Variants in VPS13C observed in about 807,000 individuals in gnomAD.
VPS13C encodes the protein intermembrane lipid transfer protein VPS13C.
In VPS13C, 358 loss-of-function variants were observed where a neutral mutation model predicts 456.8. That is an observed-to-expected ratio of 0.78 (90% CI 0.72 to 0.86). The LOEUF (loss-of-function observed/expected upper bound fraction) is 0.86. VPS13C is among the 40% of genes least tolerant of loss of function. The pLI, the probability that VPS13C is intolerant of heterozygous loss-of-function variation, is 0.00. For synonymous variants in VPS13C, 1,578 were observed against 1,486.7 expected (o/e 1.06, Z -1.41); for missense variants, 4,818 against 4,385.4 (o/e 1.10, Z -2.79).
intron 59 of VPS13C, 126 bp downstream of exon 59, chr15:61,918,010 A>T (rs1421736480): frequency 3.2e-6 from 3 of 926,802 alleles, no homozygotes; most frequent in South Asian, 2.2e-5. Flanking sequence ...TCTCAATGGA[A>T]GACTAAATTA....
chr15:61,929,709 A>T lies in VPS13C; in HGVS notation c.6078T>A (p.Ser2026=). The T allele has an allele frequency of 6.2e-7, 1 of 1,613,648 alleles. No individual in the cohort carries two copies. Among genetic ancestry groups the T allele is most frequent in the Non-Finnish European group, 8.5e-7 (1 of 1,179,674 alleles). Residue 2026 remains serine (S), a synonymous_variant, in exon 51 of 85, where the codon TCT becomes TCA. Transcript: ENST00000644861. ...CTTGTTTGTAACTTATATCAATCATAGAACTGTTGTTATCTTGGTCATTCT... is the reference window on the plus strand; with the variant it reads ...CTTGTTTGTAACTTATATCAATCATTGAACTGTTGTTATCTTGGTCATTCT... The part of the protein sequence containing the change: ...DRKNDQDNNS[S]MIDISYKQDK...
intron 66 of VPS13C, among the ~76,000 whole-genome samples, chr15:61,897,934 TG>T (rs917460729): frequency 2.7e-5 from 4 of 150,724 alleles, no homozygotes; most frequent in African/African-American, 4.9e-5. Flanking sequence ...CAGAAGAGAG[TG>T]GGGGCCAATA....
chr15:62,023,765 A>G lies in VPS13C; in HGVS notation c.514+15T>C. On this transcript the variant is annotated intron_variant, in intron 7 of 84. Coordinates refer to ENST00000644861, the MANE Select transcript of VPS13C (RefSeq NM_020821.3). ...TGTATAAACAACACCATGGCATAAA[A>G]CTACTTTTACCTACCTTTTGAACGA... 1 of 1,604,918 alleles carries G rather than the reference A, an allele frequency of 6.2e-7. No individual in the cohort carries two copies. Among genetic ancestry groups the G allele is most frequent in the Non-Finnish European group, 8.5e-7 (1 of 1,173,980 alleles).
In VPS13C at chr15:61,950,872, G is replaced by C. The variant is rs2044766088; in HGVS notation, c.4536+73C>G. The C allele has an allele frequency of 6.2e-6, 6 of 963,242 alleles. No homozygotes were observed. In the South Asian group the frequency reaches 1.0e-4, roughly 16 times the overall value. The allele number at this position is 963,242 out of a possible 1,614,324, so 59.7% of individuals were successfully genotyped here. On this transcript the variant is annotated intron_variant, in intron 40 of 84. Coordinates refer to ENST00000644861, the MANE Select transcript of VPS13C (RefSeq NM_020821.3). Reference sequence around the variant, plus strand: ...AGAAAAATGTTGGGAGAGAAAATGAGAATATTAAATATAAGGGTAATATAA... The same window carrying C: ...AGAAAAATGTTGGGAGAGAAAATGACAATATTAAATATAAGGGTAATATAA...
intron 45 of VPS13C, among the ~76,000 whole-genome samples, chr15:61,944,956 G>A (rs1013036316): frequency 6.6e-6 from 1 of 152,138 alleles, no homozygotes; most frequent in Non-Finnish European, 1.5e-5. Flanking sequence ...ATCTCATCTC[G>A]AATTGTAATC....
intron 57 of VPS13C, 55 bp downstream of exon 57, chr15:61,920,012 T>C (rs2043597515): frequency 7.2e-7 from 1 of 1,393,290 alleles, no homozygotes; most frequent in African/African-American, 1.4e-5. Context: ...TTATCAAAAA[T>C]AAGCCCACAC....
At chr15:61,995,697 C>T (rs1378483416) in intron 16 of VPS13C, among the ~76,000 whole-genome samples, 1 of 152,220 alleles carries the variant, frequency 6.6e-6, no homozygotes, top group Non-Finnish European at 1.5e-5. Flanking sequence ...CATCCCACAG[C>T]CACGAAGAGC....
chr15:62,038,085 T>C (rs959682534), intron 3 of VPS13C, among the ~76,000 whole-genome samples: 2 of 152,074 alleles, frequency 1.3e-5, no homozygotes, highest in Admixed American at 1.3e-4. Flanking sequence ...AGAAAGGATG[T>C]AGCATAAGTA....
rs1596361083 is a variant in VPS13C, at chr15:61,941,990, G to A, written c.5226C>T (p.Ser1742=). ...ATVQAAERAA[S]SMKDLAQKSF... The stretch of plus-strand genomic sequence containing the variant: ...TCTTTTGAGCCAAGTCTTTCATGCT[G>A]GAAGCAGCTCTTTCTGCAGCCTGGA... The change falls in exon 46 of 85, where the codon TCC becomes TCT. Residue 1742 remains serine, a synonymous_variant. Transcript: ENST00000644861. 19 of 1,613,836 alleles carry A rather than the reference G, an allele frequency of 1.2e-5. No homozygotes were observed. Among genetic ancestry groups the A allele is most frequent in the Non-Finnish European group, 1.6e-5 (19 of 1,179,888 alleles).
intron 45 of VPS13C, among the ~76,000 whole-genome samples, 198 bp downstream of exon 45, chr15:61,945,517 A>G (rs1309339943): frequency 2.6e-5 from 4 of 152,236 alleles, no homozygotes; most frequent in Non-Finnish European, 4.4e-5. Context: ...ATTACAGTCT[A>G]TATCTTCAAA....
At chr15:61,929,374 A>G in intron 51 of VPS13C, 127 bp downstream of exon 51, 4 of 1,276,134 alleles carry the variant, frequency 3.1e-6, no homozygotes, top group African/African-American at 3.0e-5. Flanking sequence ...TAAAGTTTTT[A>G]TATAGAATAT....
At chr15:61,903,529 C>T (rs2043066628) in intron 66 of VPS13C, among the ~76,000 whole-genome samples, 1 of 151,968 alleles carries the variant, frequency 6.6e-6, no homozygotes, top group South Asian at 2.1e-4. Context: ...AGAACGATAT[C>T]CCTTATTCAT....
At chr15:62,017,567 G>T (rs28783433) in intron 9 of VPS13C, among the ~76,000 whole-genome samples, 12,014 of 152,040 alleles carry the variant, frequency 0.079, 1,009 homozygotes, top group African/African-American at 0.21. Flanking sequence ...GCTTGTTTTC[G>T]TCAGGTTTGT....
At chr15:62,007,965 G>A (rs2046908720) in intron 14 of VPS13C, among the ~76,000 whole-genome samples, 1 of 152,074 alleles carries the variant, frequency 6.6e-6, no homozygotes, top group African/African-American at 2.4e-5. Flanking sequence ...ATTAGGCCAG[G>A]CACGGTGGCT....
In VPS13C at chr15:61,856,269, G is replaced by A. The variant is rs1024393054; in HGVS notation, c.11076+17C>T. On this transcript the variant is annotated intron_variant, in intron 83 of 84. Transcript: ENST00000644861. ...GCAATGAACTCTTAGCTCTAAAGGT[G>A]TGACATGTTTTCTTACCTTAACTGA... 5.6e-6 allele frequency: 9 copies of A among 1,612,324 alleles called. No individual in the cohort carries two copies. Among genetic ancestry groups the A allele is most frequent in the African/African-American group, 1.3e-5 (1 of 74,938 alleles).
At chr15:61,967,847 A>T (rs1052391034) in intron 28 of VPS13C, among the ~76,000 whole-genome samples, 2 of 152,046 alleles carry the variant, frequency 1.3e-5, no homozygotes, top group South Asian at 2.1e-4. Context: ...ACTTAAAAAC[A>T]ACAGGTACTA....
At chr15:62,040,555 G>A (rs957423420) in intron 3 of VPS13C, among the ~76,000 whole-genome samples, 1 of 151,934 alleles carries the variant, frequency 6.6e-6, no homozygotes, top group Non-Finnish European at 1.5e-5. Context: ...CCAAAAAGGG[G>A]TAGGGATTGA....
rs2047534976 is a variant in VPS13C at position 62,023,524 on chromosome 15, T to C, written c.515-4A>G. Reference sequence around the variant, plus strand: ...TTTTTGGCTTCTTTTGGCTTATCTATTAAAAAATAGAAAAATACAAGCTCA... The same window carrying C: ...TTTTTGGCTTCTTTTGGCTTATCTACTAAAAAATAGAAAAATACAAGCTCA... On this transcript the variant is annotated splice_polypyrimidine_tract_variant and splice_region_variant and intron_variant, in intron 7 of 84. Transcript: ENST00000644861. 6.4e-7 allele frequency: 1 copy of C among 1,552,986 alleles called. No individual in the cohort carries two copies. The highest frequency in any genetic ancestry group is 8.7e-7 in the Non-Finnish European group (1 of 1,154,638).
chr15:61,990,628 T>C (rs566772016), intron 18 of VPS13C, among the ~76,000 whole-genome samples: 93 of 152,134 alleles, frequency 6.1e-4, no homozygotes, highest in Admixed American at 1.4e-3. Flanking sequence ...CTGGTCAACA[T>C]GGCAAAACCT....
Sources: allele counts gnomAD v4.1 joint callset (sites outside exome capture counted in the v4.1 genomes callset), GRCh38; gene constraint gnomAD v4.1.1; transcripts MANE v1.5; gene names NCBI Gene and HGNC (gene_info 2026-07-23, HGNC 2026-07-21).